SESTD1: variants seen among roughly 807,000 people sequenced by gnomAD.
SESTD1 encodes SEC14 and spectrin domain containing 1.
In SESTD1, 43 loss-of-function variants were observed where a neutral mutation model predicts 101.7. That is an observed-to-expected ratio of 0.42 (90% CI 0.33 to 0.55). The LOEUF is 0.55. SESTD1 is among the 20% of genes least tolerant of loss of function. The pLI is 0.07. For missense variants in SESTD1, 647 were observed against 815.1 expected (o/e 0.79, Z 2.51); for synonymous variants, 283 against 286.8 (o/e 0.99, Z 0.13).
chr2:179,233,269 T>C (rs2047011677), intron 1 of SESTD1, among the ~76,000 whole-genome samples: 1 of 152,162 alleles, frequency 6.6e-6, no homozygotes, highest in African/African-American at 2.4e-5. Context: ...TGTTAAGGAT[T>C]AGCAATTCTA....
rs1240183156 is a variant in SESTD1, at chr2:179,103,135, T to C, written c.*6764A>G. On this transcript the variant is annotated 3_prime_UTR_variant, in exon 18 of 18. Coordinates refer to ENST00000428443, the MANE Select transcript of SESTD1 (RefSeq NM_178123.5). The stretch of plus-strand genomic sequence containing the variant: ...AGCTAACATATCACCATGGTTGGGC[T>C]TTAACCTTTCAAGGAGTGAAATATT... 1.3e-5 allele frequency: 2 copies of C among 152,156 alleles called. No homozygotes were observed. The highest frequency in any genetic ancestry group is 4.8e-5 in the African/African-American group (2 of 41,450). 9.4% of individuals were successfully genotyped at this position (152,156 alleles called of 1,614,324 possible). A position where few individuals can be genotyped will look rare whatever the true frequency, so the allele number is the denominator to read the frequency against.
chr2:179,147,714 T>C (rs904143856), intron 7 of SESTD1, among the ~76,000 whole-genome samples: 1 of 152,178 alleles, frequency 6.6e-6, no homozygotes, highest in Non-Finnish European at 1.5e-5. Context: ...CTGCACTGCT[T>C]CTTCAGAACC....
intron 8 of SESTD1, 113 bp from the exon 9 acceptor site, chr2:179,143,916 AC>A (rs1329694730): frequency 9.6e-7 from 1 of 1,042,998 alleles, no homozygotes; most frequent in Non-Finnish European, 1.4e-6. Context: ...CTACATATCT[AC>A]CAGGTTATAA....
intron 9 of SESTD1, among the ~76,000 whole-genome samples, chr2:179,137,230 G>T (rs867212998): frequency 6.6e-5 from 10 of 152,218 alleles, no homozygotes; most frequent in South Asian, 4.2e-4. Flanking sequence ...AATCCACCAT[G>T]AAAAATATTT....
chr2:179,110,067 CA>C (rs2044474070), intron 17 of SESTD1, 39 bp from the exon 18 acceptor site: 1 of 1,605,176 alleles, frequency 6.2e-7, no homozygotes, highest in African/African-American at 1.3e-5. Flanking sequence ...CAGATTAATA[CA>C]AATCTATTAA....
intron 5 of SESTD1, among the ~76,000 whole-genome samples, chr2:179,156,581 T>C (rs570073491): frequency 6.6e-6 from 1 of 152,330 alleles, no homozygotes; most frequent in Admixed American, 6.5e-5. Flanking sequence ...ATTAGTGATG[T>C]TGAGCATTTT....
intron 5 of SESTD1, among the ~76,000 whole-genome samples, chr2:179,156,192 A>G (rs1051212392): frequency 5.3e-5 from 8 of 152,116 alleles, no homozygotes; most frequent in Non-Finnish European, 8.8e-5. Context: ...ACACATATAT[A>G]TATCACATAT....
In SESTD1 at chr2:179,181,152, T is replaced by C. The variant is rs77938713; in HGVS notation, c.164+1928A>G. Among the ~76,000 whole-genome samples the C allele has an allele frequency of 1.6e-4, 24 of 152,262 alleles. 1 individual carries two copies. The East Asian group carries it at 4.6e-3, about 29-fold the overall frequency. ...TACATGAGAAAGAGAAAGAAAAAAT[T>C]TAAATAGTATAGGCTATTTTGCCTT... On this transcript the variant is annotated intron_variant, in intron 3 of 17. Transcript: ENST00000428443.
At chr2:179,118,175 A>G (rs1406424237) in intron 13 of SESTD1, among the ~76,000 whole-genome samples, 1 of 152,210 alleles carries the variant, frequency 6.6e-6, no homozygotes, top group Non-Finnish European at 1.5e-5. Flanking sequence ...ATTATATTAT[A>G]GTACCTAAAA....
intron 1 of SESTD1, among the ~76,000 whole-genome samples, chr2:179,203,398 G>A (rs2046546358): frequency 7.5e-6 from 1 of 133,402 alleles, no homozygotes; most frequent in African/African-American, 3.0e-5. Context: ...GACCAACCTG[G>A]GCAACATGGC....
At chr2:179,124,608 A>C (rs1178691123) in intron 10 of SESTD1, 50 bp from the exon 11 acceptor site, 10 of 1,430,502 alleles carry the variant, frequency 7.0e-6, no homozygotes, top group Non-Finnish European at 9.6e-6. Flanking sequence ...TAGTTCCTGG[A>C]AGAGATTACA....
At chr2:179,143,087 C>T (rs1049069182) in intron 9 of SESTD1, among the ~76,000 whole-genome samples, 7 of 122,234 alleles carry the variant, frequency 5.7e-5, no homozygotes, top group African/African-American at 2.5e-4. Context: ...TTTTAGCCTA[C>T]TTTTCTTATA....
intron 12 of SESTD1, among the ~76,000 whole-genome samples, 153 bp downstream of exon 12, chr2:179,123,562 C>A (rs1317296671): frequency 6.6e-6 from 1 of 151,892 alleles, no homozygotes; most frequent in Non-Finnish European, 1.5e-5. Flanking sequence ...AAATTATAAC[C>A]CCTCAAGGGA....
intron 1 of SESTD1, among the ~76,000 whole-genome samples, chr2:179,257,114 G>T (rs555885460): frequency 6.6e-6 from 1 of 151,416 alleles, no homozygotes; most frequent in Admixed American, 6.6e-5. Context: ...CTGGTGGGTT[G>T]TTGTTTTTTT....
intron 1 of SESTD1, among the ~76,000 whole-genome samples, chr2:179,261,037 A>ATTCC (rs2047475510): frequency 6.6e-6 from 1 of 152,180 alleles, no homozygotes; most frequent in South Asian, 2.1e-4. Flanking sequence ...CTCTCTATAT[A>ATTCC]TATACACATA....
intron 1 of SESTD1, among the ~76,000 whole-genome samples, chr2:179,230,259 C>T (rs959818812): frequency 1.3e-4 from 19 of 151,236 alleles, no homozygotes; most frequent in Admixed American, 1.1e-3. Context: ...CCTCAACCTC[C>T]TCAGTAGCTG....
chr2:179,240,607 A>T (rs2047137760), intron 1 of SESTD1, among the ~76,000 whole-genome samples: 1 of 152,182 alleles, frequency 6.6e-6, no homozygotes, highest in African/African-American at 2.4e-5. Flanking sequence ...AAAGACCAGG[A>T]AGGAGCAGTC....
intron 4 of SESTD1, among the ~76,000 whole-genome samples, chr2:179,175,061 C>CCA (rs1278166764): frequency 1.3e-5 from 2 of 152,070 alleles, no homozygotes; most frequent in African/African-American, 4.8e-5. Context: ...CAGACACATG[C>CCA]CACTGGTAAA....
chr2:179,188,551 A>T (rs1574019017), intron 2 of SESTD1, among the ~76,000 whole-genome samples: 1 of 152,110 alleles, frequency 6.6e-6, no homozygotes, highest in Non-Finnish European at 1.5e-5. Context: ...AGGCTGGAGG[A>T]TCGCTTAAGC....
Sources: gnomAD v4.1 joint callset for allele counts (sites outside exome capture counted in the v4.1 genomes callset) on GRCh38, gnomAD v4.1.1 for gene constraint, MANE v1.5 for transcripts, NCBI Gene and HGNC (gene_info 2026-07-23, HGNC 2026-07-21) for gene names.